The following NFIB variants were observed in gnomAD, a reference collection of about 807,000 sequenced individuals.
The protein encoded by NFIB is nuclear factor I B.
A neutral mutation model predicts 61.5 loss-of-function variants in NFIB; 11 were observed. The ratio of observed to expected loss-of-function variants is 0.18; its 90% CI spans 0.11 to 0.30. The LOEUF (loss-of-function observed/expected upper bound fraction) is 0.30. Among genes scored for constraint, NFIB ranks in the 10% least tolerant of loss-of-function variants. The probability of loss-of-function intolerance (pLI) is 1.00; values close to 1 mark genes in which losing one functional copy is unlikely to be tolerated. For synonymous variants in NFIB, 260 were observed against 216.5 expected (o/e 1.20, Z -1.76); for missense variants, 471 against 608.9 (o/e 0.77, Z 2.38).
At position 14,129,383 on chromosome 9, in the gene NFIB, C is replaced by T. The variant is rs73410002; in HGVS notation, c.926-3617G>A. Among the ~76,000 whole-genome samples the T allele has an allele frequency of 3.9e-3, 572 of 144,858 alleles. 4 individuals carry two copies. The highest frequency in any genetic ancestry group is 0.014 in the African/African-American group (544 of 39,390). On this transcript the variant is annotated intron_variant, in intron 6 of 10. Coordinates refer to ENST00000380953, the MANE Select transcript of NFIB (RefSeq NM_001190737.2). ...TTAGGAAGATACAAAAGTGAATCCC[C>T]GCTCAAAAAAAAAAAAAAGACAAAA...
At chr9:14,095,993 T>A (rs1011230581) in intron 10 of NFIB, among the ~76,000 whole-genome samples, 8 of 152,202 alleles carry the variant, frequency 5.3e-5, no homozygotes, top group African/African-American at 1.9e-4. Flanking sequence ...TTTTATCATT[T>A]ATTATGTTTA....
chr9:14,135,402 G>A (rs2040929608), intron 6 of NFIB, among the ~76,000 whole-genome samples: 1 of 152,162 alleles, frequency 6.6e-6, no homozygotes, highest in Non-Finnish European at 1.5e-5. Context: ...TGTAACATTT[G>A]CAATTTAGTT....
chr9:14,135,985 T>C (rs921704977), intron 6 of NFIB, among the ~76,000 whole-genome samples: 5 of 152,160 alleles, frequency 3.3e-5, no homozygotes, highest in African/African-American at 9.7e-5. Context: ...CACGGTTAAG[T>C]AGCATGTTCC....
intron 1 of NFIB, chr9:14,361,184 T>C (rs902821914): frequency 5.9e-5 from 9 of 151,924 alleles, no homozygotes; most frequent in African/African-American, 2.2e-4. Flanking sequence ...CTAATTAAAT[T>C]CAGATAAGTT....
intron 6 of NFIB, among the ~76,000 whole-genome samples, chr9:14,144,124 CAAAAGA>C (rs1201280888): frequency 2.0e-5 from 3 of 151,418 alleles, no homozygotes; most frequent in African/African-American, 7.3e-5. Context: ...GTCATCTTGA[CAAAAGA>C]AAATCACCAA....
At chr9:14,497,890 C>T in the NFIB span, among the ~76,000 whole-genome samples, 1 of 152,158 alleles carries the variant, frequency 6.6e-6, no homozygotes, top group Non-Finnish European at 1.5e-5. Context: ...CGGGAAGCCT[C>T]AAGATGAAGT....
At chr9:14,142,358 CT>C (rs1415260740) in intron 6 of NFIB, among the ~76,000 whole-genome samples, 2 of 152,156 alleles carry the variant, frequency 1.3e-5, no homozygotes, top group Non-Finnish European at 2.9e-5. Flanking sequence ...TAAGACGTGA[CT>C]TGCTCCTCCT....
the NFIB span, among the ~76,000 whole-genome samples, chr9:14,506,591 A>G: frequency 1.3e-5 from 2 of 152,314 alleles, no homozygotes; most frequent in South Asian, 2.1e-4. Flanking sequence ...GAAAATAAAT[A>G]TGGAGAGATG....
At chr9:14,193,480 C>T (rs1400733696) in intron 2 of NFIB, among the ~76,000 whole-genome samples, 4 of 152,090 alleles carry the variant, frequency 2.6e-5, no homozygotes, top group East Asian at 1.9e-4. Flanking sequence ...TATACATCAA[C>T]GTAAGAATAA....
chr9:14,438,224 G>A, the NFIB span, among the ~76,000 whole-genome samples: 1 of 152,150 alleles, frequency 6.6e-6, no homozygotes, highest in Non-Finnish European at 1.5e-5. Context: ...ATGTTTTTAG[G>A]GGGAAAATAA....
intron 10 of NFIB, among the ~76,000 whole-genome samples, chr9:14,100,012 G>A (rs1207844670): frequency 6.6e-6 from 1 of 152,150 alleles, no homozygotes; most frequent in Admixed American, 6.6e-5. Context: ...AGCGGAGGTT[G>A]CAGTGAGACA....
chr9:14,478,301 A>G, the NFIB span, among the ~76,000 whole-genome samples: 1 of 152,174 alleles, frequency 6.6e-6, no homozygotes, highest in East Asian at 1.9e-4. Flanking sequence ...GGAGAGCTAC[A>G]CTTGCTTTTG....
intron 10 of NFIB, among the ~76,000 whole-genome samples, chr9:14,106,157 T>C (rs1451305748): frequency 2.6e-5 from 4 of 152,110 alleles, no homozygotes; most frequent in Admixed American, 6.6e-5. Context: ...AAATACCAAG[T>C]GCCACTCAGT....
chr9:14,414,511 A>AT, the NFIB span, among the ~76,000 whole-genome samples: 19,608 of 119,926 alleles, frequency 0.16, 1,716 homozygotes, highest in Non-Finnish European at 0.21. Context: ...CACGTTTTGT[A>AT]TTTTTTTTTT....
chr9:14,196,925 T>C (rs1200271366), intron 2 of NFIB, among the ~76,000 whole-genome samples: 1 of 152,248 alleles, frequency 6.6e-6, no homozygotes, highest in Non-Finnish European at 1.5e-5. Flanking sequence ...ATTTGTCTTT[T>C]ATTAATGATT....
chr9:14,377,981 G>C (rs537365895), intron 1 of NFIB, among the ~76,000 whole-genome samples: 2 of 152,208 alleles, frequency 1.3e-5, no homozygotes, highest in African/African-American at 4.8e-5. Flanking sequence ...GATCACTCTA[G>C]TAGTGATCAC....
the NFIB span, among the ~76,000 whole-genome samples, chr9:14,493,238 C>T: frequency 2.6e-5 from 4 of 152,142 alleles, no homozygotes; most frequent in African/African-American, 4.8e-5. Flanking sequence ...ACTTTCCTAC[C>T]ATGTTCAGGA....
intron 8 of NFIB, among the ~76,000 whole-genome samples, chr9:14,118,967 A>G (rs1197818901): frequency 6.6e-6 from 1 of 152,046 alleles, no homozygotes; most frequent in Non-Finnish European, 1.5e-5. Context: ...CCTGATTTTA[A>G]TTTGCATAAT....
At chr9:14,500,853 A>G in the NFIB span, among the ~76,000 whole-genome samples, 1 of 151,972 alleles carries the variant, frequency 6.6e-6, no homozygotes, top group East Asian at 1.9e-4. Context: ...CCTTCTGAAA[A>G]CCGCCCACTC....
Sources: gnomAD v4.1 joint callset for allele counts (sites outside exome capture counted in the v4.1 genomes callset) on GRCh38, gnomAD v4.1.1 for gene constraint, MANE v1.5 for transcripts, NCBI Gene and HGNC (gene_info 2026-07-23, HGNC 2026-07-21) for gene names.